The following CRIM1 variants were observed in gnomAD, a reference collection of about 807,000 sequenced individuals.
CRIM1 encodes the protein cysteine-rich motor neuron 1 protein.
Under a neutral mutation model 116.4 loss-of-function variants are expected in CRIM1, and 32 were observed. The ratio of observed to expected loss-of-function variants is 0.27; its 90% confidence interval spans 0.21 to 0.37. The LOEUF (loss-of-function observed/expected upper bound fraction) is 0.37, where lower values mean the gene tolerates loss of function less well. Ranked by LOEUF, CRIM1 falls within the 10% of genes least tolerant of loss-of-function variation. CRIM1 has a pLI of 1.00. For synonymous variants in CRIM1, 590 were observed against 509.2 expected, an observed-to-expected ratio of 1.16 and a Z score of -2.13; for missense variants, 1,331 against 1,354.8, an observed-to-expected ratio of 0.98 and a Z score of 0.28.
rs1232505087 is a variant in CRIM1, at chr2:36,522,289, G to A, written c.2404G>A (p.Gly802Ser). Reference sequence around the variant, plus strand: ...CTGTGAAAGACCTGTCTTGAGAAAAGGCCAGTGTTGTCCCTACTGCATAGG... The same window carrying A: ...CTGTGAAAGACCTGTCTTGAGAAAAAGCCAGTGTTGTCCCTACTGCATAGG... Reference protein sequence around the residue: ...VSCERPVLRKGQCCPYCIEDT... With the variant: ...VSCERPVLRKSQCCPYCIEDT... Residue 802 changes from glycine to serine, a missense_variant, in exon 13 of 17, where the codon GGC becomes AGC. Physicochemically the swap from Gly to Ser is moderately conservative, Grantham distance 56. Around this residue, in one of 3 missense-constraint regions of CRIM1, gnomAD observed 358 missense variants for 436.1 expected, o/e 0.82. Coordinates refer to ENST00000280527, the MANE Select transcript of CRIM1 (RefSeq NM_016441.3). 1.2e-6 allele frequency: 2 copies of A among 1,614,046 alleles called. No homozygotes were observed. The highest frequency in any genetic ancestry group is 1.1e-5 in the South Asian group (1 of 91,074).
At chr2:36,440,236 A>C (rs987531313) in intron 2 of CRIM1, among the ~76,000 whole-genome samples, 1 of 152,186 alleles carries the variant, frequency 6.6e-6, no homozygotes, top group African/African-American at 2.4e-5. Context: ...TGAGAAAACT[A>C]AACTAGGTGA....
intron 15 of CRIM1, among the ~76,000 whole-genome samples, chr2:36,546,763 A>ATTT (rs775086985): frequency 1.6e-4 from 16 of 101,846 alleles, no homozygotes; most frequent in African/African-American, 4.6e-4. Flanking sequence ...TCTCACTCTG[A>ATTT]TTTTTTTTTT....
At position 36,517,549 on chromosome 2, in the gene CRIM1, G is replaced by T; in HGVS notation, c.2206+7G>T. 1 of 1,604,952 alleles carries T rather than the reference G, an allele frequency of 6.2e-7. No homozygotes were observed. The highest frequency in any genetic ancestry group is 1.1e-5 in the South Asian group (1 of 90,892). ...TGCTGCCCACAGTGTACAGGTAAGC[G>T]ACACCATGCCTTGTGGGTGCTTGGT... On this transcript the variant is annotated splice_region_variant and intron_variant, in intron 12 of 16. Transcript: ENST00000280527.
chr2:36,513,833 A>G (rs1664859133), intron 11 of CRIM1, 68 bp downstream of exon 11: 7 of 1,417,540 alleles, frequency 4.9e-6, no homozygotes. Context: ...CCCTAGACAC[A>G]TTTGTAACTC....
rs539993521 is a variant in CRIM1, at chr2:36,377,779, C to A, written c.332-18835C>A. On this transcript the variant is annotated intron_variant, in intron 1 of 16. Transcript: ENST00000280527. Reference sequence around the variant, plus strand: ...ATTCAGAAGGTGGGAAAGTGATTTCCTTCTCTCTTATCATAAAATAAGAGT... The same window carrying A: ...ATTCAGAAGGTGGGAAAGTGATTTCATTCTCTCTTATCATAAAATAAGAGT... Among the ~76,000 whole-genome samples, 13 of 152,250 alleles carry A rather than the reference C, an allele frequency of 8.5e-5. 1 individual carries two copies. Among genetic ancestry groups the A allele is most frequent in the African/African-American group, 2.9e-4 (12 of 41,530 alleles).
intron 7 of CRIM1, 47 bp from the exon 8 acceptor site, chr2:36,499,172 G>A: frequency 1.4e-6 from 2 of 1,463,958 alleles, no homozygotes; most frequent in Non-Finnish European, 1.9e-6. Flanking sequence ...GCATCTAAAA[G>A]GTAATCATAT....
intron 8 of CRIM1, among the ~76,000 whole-genome samples, chr2:36,500,198 G>T (rs898888155): frequency 2.0e-5 from 3 of 152,156 alleles, no homozygotes; most frequent in South Asian, 2.1e-4. Flanking sequence ...AAGCATGGTG[G>T]TATGCGCCAG....
intron 13 of CRIM1, among the ~76,000 whole-genome samples, chr2:36,528,592 C>T (rs1052838685): frequency 3.9e-5 from 6 of 152,156 alleles, no homozygotes; most frequent in East Asian, 1.9e-4. Flanking sequence ...ATCATCAGGG[C>T]GCACCCTCAT....
rs927173122 is a variant in CRIM1, at chr2:36,549,614, C to G, written c.*913C>G. On this transcript the variant is annotated 3_prime_UTR_variant, in exon 17 of 17. Transcript: ENST00000280527. ...TTCATAGTTTTTGTTGAAGCTCTAG[C>G]TTAAGAAGAAACTTTTTTTAAAAAG... is the stretch of plus-strand genomic sequence containing the variant. 3.3e-5 allele frequency: 5 copies of G among 152,298 alleles called. No homozygotes were observed. The highest frequency in any genetic ancestry group is 9.7e-5 in the African/African-American group (4 of 41,378). 9.4% of individuals were successfully genotyped at this position (152,298 alleles called of 1,614,324 possible). A position where few individuals can be genotyped will look rare whatever the true frequency, so the allele number is the denominator to read the frequency against.
At chr2:36,358,124 C>T (rs56061768) in intron 1 of CRIM1, among the ~76,000 whole-genome samples, 1,608 of 90,756 alleles carry the variant, frequency 0.018, 9 homozygotes, top group Admixed American at 0.026. Flanking sequence ...ACACGTAAGA[C>T]ATTGGGTTAG....
chr2:36,392,767 C>T (rs972502774), intron 1 of CRIM1, among the ~76,000 whole-genome samples: 3 of 152,090 alleles, frequency 2.0e-5, no homozygotes, highest in Non-Finnish European at 4.4e-5. Context: ...CTAGGGAAAC[C>T]ATTTCCCAAG....
chr2:36,517,617 A>G (rs1665117651), intron 12 of CRIM1, 75 bp downstream of exon 12: 4 of 1,461,306 alleles, frequency 2.7e-6, no homozygotes, highest in African/African-American at 1.4e-5. Flanking sequence ...TGTGGGACCC[A>G]CAGGGCAGGA....
chr2:36,527,375 C>T lies in CRIM1; in HGVS notation c.2428+5062C>T, dbSNP rs148078510. ...TTTCTTACAGGTTGTATTAATACCTCTGTTTGATTAGAAGTTAGCTATTTT... is the reference window on the plus strand; with the variant it reads ...TTTCTTACAGGTTGTATTAATACCTTTGTTTGATTAGAAGTTAGCTATTTT... On this transcript the variant is annotated intron_variant, in intron 13 of 16. Transcript: ENST00000280527. 6.9e-4 allele frequency among the ~76,000 whole-genome samples: 105 copies of T among 152,118 alleles called. 1 individual carries two copies. The East Asian group carries it at 0.018, about 26-fold the overall frequency.
intron 1 of CRIM1, among the ~76,000 whole-genome samples, chr2:36,357,599 C>T (rs1291664301): frequency 6.6e-6 from 1 of 152,134 alleles, no homozygotes; most frequent in Non-Finnish European, 1.5e-5. Flanking sequence ...TAGAGCGAGG[C>T]AGTGAGTTAT....
chr2:36,515,430 G>C (rs575077910), intron 11 of CRIM1, among the ~76,000 whole-genome samples: 24 of 152,146 alleles, frequency 1.6e-4, no homozygotes, highest in Non-Finnish European at 2.5e-4. Context: ...GATGTGTAGA[G>C]GTAAATGTTT....
chr2:36,394,965 A>G (rs908626566), intron 1 of CRIM1, among the ~76,000 whole-genome samples: 8 of 151,784 alleles, frequency 5.3e-5, no homozygotes, highest in Non-Finnish European at 1.2e-4. Flanking sequence ...GATGCCAGCA[A>G]TAAAAGCTTA....
At chr2:36,448,769 T>A (rs1297699717) in intron 4 of CRIM1, among the ~76,000 whole-genome samples, 1 of 152,232 alleles carries the variant, frequency 6.6e-6, no homozygotes, top group Non-Finnish European at 1.5e-5. Flanking sequence ...TTGAGAAAAG[T>A]CCAATCCAGC....
intron 5 of CRIM1, among the ~76,000 whole-genome samples, chr2:36,465,828 A>G (rs1483550979): frequency 1.3e-5 from 2 of 152,112 alleles, no homozygotes; most frequent in Non-Finnish European, 2.9e-5. Flanking sequence ...AGTAAATTAA[A>G]CAAGGTATTA....
At chr2:36,453,616 G>A (rs1037933464) in intron 4 of CRIM1, among the ~76,000 whole-genome samples, 1 of 152,200 alleles carries the variant, frequency 6.6e-6, no homozygotes, top group Non-Finnish European at 1.5e-5. Flanking sequence ...GATATTTTGA[G>A]CATTTGTCAT....
Sources: gnomAD v4.1 joint callset for allele counts (sites outside exome capture counted in the v4.1 genomes callset) on GRCh38, gnomAD v4.1.1 for gene constraint, gnomAD v4.1.1 regional missense constraint, MANE v1.5 for transcripts, NCBI Gene and HGNC (gene_info 2026-07-23, HGNC 2026-07-21) for gene names.